The following SERINC5 variants were observed in gnomAD, a reference collection of about 807,000 sequenced individuals.
The protein encoded by SERINC5 is chromosome 5 open reading frame 12.
In SERINC5, 41 loss-of-function variants were observed where a neutral mutation model predicts 63.1. The observed-to-expected ratio is 0.65, with a 90% CI of 0.51 to 0.84. SERINC5 has a LOEUF of 0.84. SERINC5 is among the 40% of genes least tolerant of loss of function. The probability of loss-of-function intolerance (pLI) is 0.00; values close to 1 mark genes in which losing one functional copy is unlikely to be tolerated. For missense variants in SERINC5, 523 were observed against 573.0 expected (o/e 0.91, Z 0.89); for synonymous variants, 222 against 215.2 (o/e 1.03, Z -0.28).
At chr5:80,145,436 C>CG (rs955059966) in intron 11 of SERINC5, among the ~76,000 whole-genome samples, 40 of 126,334 alleles carry the variant, frequency 3.2e-4, no homozygotes, top group African/African-American at 8.0e-4. Flanking sequence ...GAAGTAGAGG[C>CG]GGGGGGGTAC....
chr5:80,171,197 C>T (rs748048263), intron 5 of SERINC5, among the ~76,000 whole-genome samples: 2 of 151,890 alleles, frequency 1.3e-5, no homozygotes, highest in South Asian at 2.1e-4. Context: ...TTAGTAAAGA[C>T]GGGGTTTCAC....
chr5:80,134,268 T>C (rs892183057), downstream of SERINC5, among the ~76,000 whole-genome samples: 2 of 152,100 alleles, frequency 1.3e-5, no homozygotes, highest in Non-Finnish European at 2.9e-5. Context: ...GGCAGATCAT[T>C]TGAGATCAGG....
At chr5:80,166,702 G>C (rs1580097290) in intron 6 of SERINC5, 1 of 394,376 alleles carries the variant, frequency 2.5e-6, no homozygotes, top group South Asian at 2.6e-5. Context: ...AAAGACATCA[G>C]GTTCTGCCAA....
At chr5:80,196,691 C>T (rs1749517608) in intron 2 of SERINC5, among the ~76,000 whole-genome samples, 3 of 152,184 alleles carry the variant, frequency 2.0e-5, no homozygotes, top group African/African-American at 7.2e-5. Flanking sequence ...ACAGTCGCAA[C>T]ACTTTTGGAG....
At chr5:80,146,361 T>C in intron 10 of SERINC5, 127 bp from the exon 11 acceptor site, 1 of 1,089,024 alleles carries the variant, frequency 9.2e-7, no homozygotes. Context: ...CTGTACCCTC[T>C]GGCAACTTCA....
At chr5:80,161,780 G>A (rs1021858770) in intron 7 of SERINC5, among the ~76,000 whole-genome samples, 1 of 152,088 alleles carries the variant, frequency 6.6e-6, no homozygotes, top group Non-Finnish European at 1.5e-5. Flanking sequence ...TATTTCCCTT[G>A]AGCAATATCC....
chr5:80,183,984 A>G (rs138085494), intron 2 of SERINC5, among the ~76,000 whole-genome samples: 1,655 of 152,320 alleles, frequency 0.011, 38 homozygotes, highest in African/African-American at 0.037. Context: ...GTGTTTAAAC[A>G]TGAGTGATGA....
intron 1 of SERINC5, among the ~76,000 whole-genome samples, chr5:80,236,380 T>C (rs1751689516): frequency 6.6e-6 from 1 of 152,146 alleles, no homozygotes; most frequent in Non-Finnish European, 1.5e-5. Context: ...AACTGGCTCT[T>C]AACTTCTCAG....
chr5:80,116,080 G>C (rs1337494241), intron 11 of SERINC5: 4 of 348,106 alleles, frequency 1.1e-5, no homozygotes, highest in Non-Finnish European at 1.7e-5. Flanking sequence ...TGATGGATGA[G>C]GGGTGTGAGG....
chr5:80,158,500 G>A (rs1746677060), intron 8 of SERINC5: 2 of 239,476 alleles, frequency 8.4e-6, no homozygotes, highest in Non-Finnish European at 1.6e-5. Flanking sequence ...CTCCAGTAAA[G>A]GTATAGCAAA....
At chr5:80,168,404 T>G (rs1035034219) in intron 6 of SERINC5, among the ~76,000 whole-genome samples, 1 of 152,140 alleles carries the variant, frequency 6.6e-6, no homozygotes, top group African/African-American at 2.4e-5. Context: ...TTTCCCGAAG[T>G]TGGCCAGGCT....
At chr5:80,168,642 C>A (rs1747458770) in intron 6 of SERINC5, among the ~76,000 whole-genome samples, 1 of 152,166 alleles carries the variant, frequency 6.6e-6, no homozygotes, top group Non-Finnish European at 1.5e-5. Flanking sequence ...AAAAATCAGA[C>A]CAGGGACATC....
At chr5:80,119,997 C>T (rs898400534) in intron 11 of SERINC5, among the ~76,000 whole-genome samples, 6 of 152,158 alleles carry the variant, frequency 3.9e-5, no homozygotes, top group Non-Finnish European at 5.9e-5. Context: ...AATCCTGGGT[C>T]GTCCACATAA....
rs1580053457 is a variant in SERINC5 at position 80,142,526 on chromosome 5, T to C, written c.*1137A>G. On this transcript the variant is annotated 3_prime_UTR_variant, in exon 12 of 12. Coordinates refer to ENST00000507668, the MANE Select transcript of SERINC5 (RefSeq NM_001174072.3). ...AAGTATATTCGGCCACTTCCACACA[T>C]TGCCTAACAAGCTTCTTCTGGTCAG... is the stretch of plus-strand genomic sequence containing the variant. 1 of 985,456 alleles carries C rather than the reference T, an allele frequency of 1.0e-6. No homozygotes were observed. The highest frequency in any genetic ancestry group is 1.2e-6 in the Non-Finnish European group (1 of 829,954). 61.0% of individuals were successfully genotyped at this position (985,456 alleles called of 1,614,324 possible). A position where few individuals can be genotyped will look rare whatever the true frequency, so the allele number is the denominator to read the frequency against.
At chr5:80,173,321 T>A (rs780083035) in intron 5 of SERINC5, among the ~76,000 whole-genome samples, 7 of 151,186 alleles carry the variant, frequency 4.6e-5, no homozygotes, top group Admixed American at 2.6e-4. Context: ...AGAAGCCGGG[T>A]GCAGTGGCTC....
intron 7 of SERINC5, among the ~76,000 whole-genome samples, chr5:80,165,849 C>T (rs1428431411): frequency 6.6e-6 from 1 of 151,918 alleles, no homozygotes; most frequent in Non-Finnish European, 1.5e-5. Context: ...CAGGAAGAAT[C>T]GAAAAAGGGA....
At chr5:80,200,416 G>A (rs1018820490) in intron 2 of SERINC5, among the ~76,000 whole-genome samples, 7 of 151,512 alleles carry the variant, frequency 4.6e-5, no homozygotes, top group African/African-American at 1.5e-4. Flanking sequence ...AACCCAGGAG[G>A]CAGAGCTTGC....
At chr5:80,250,776 A>G (rs1432342833) in intron 1 of SERINC5, among the ~76,000 whole-genome samples, 4 of 152,204 alleles carry the variant, frequency 2.6e-5, no homozygotes. Context: ...ATTTAATCAA[A>G]GGCCACACAG....
At chr5:80,206,918 C>T (rs573395073) in intron 1 of SERINC5, among the ~76,000 whole-genome samples, 1 of 150,006 alleles carries the variant, frequency 6.7e-6, no homozygotes, top group Admixed American at 6.7e-5. Flanking sequence ...GCTGGGACTA[C>T]AAGCACAGGA....
Sources: allele counts gnomAD v4.1 joint callset (sites outside exome capture counted in the v4.1 genomes callset), GRCh38; gene constraint gnomAD v4.1.1; transcripts MANE v1.5; gene names NCBI Gene and HGNC (gene_info 2026-07-23, HGNC 2026-07-21).